The following PREX2 variants were observed in gnomAD, a reference collection of about 807,000 sequenced individuals.
PREX2 encodes phosphatidylinositol 3,4,5-trisphosphate-dependent Rac exchanger 2 protein.
In PREX2, 107 loss-of-function variants were observed where a neutral mutation model predicts 203.2. The ratio of observed to expected loss-of-function variants is 0.53; its 90% CI spans 0.45 to 0.62. The LOEUF (loss-of-function observed/expected upper bound fraction) is 0.62. Ranked by LOEUF, PREX2 falls within the 20% of genes least tolerant of loss-of-function variation. The probability of loss-of-function intolerance (pLI) is 0.00; values close to 1 mark genes in which losing one functional copy is unlikely to be tolerated. For synonymous variants in PREX2, 672 were observed against 663.6 expected (o/e 1.01, Z -0.19); for missense variants, 1,777 against 1,955.9 (o/e 0.91, Z 1.72).
At chr8:67,985,562 T>C (rs1047301767) in intron 1 of PREX2, among the ~76,000 whole-genome samples, 9 of 152,202 alleles carry the variant, frequency 5.9e-5, no homozygotes, top group African/African-American at 2.2e-4. Flanking sequence ...TACCGTGCAC[T>C]TAATTTTTCT....
At chr8:68,136,540 C>T (rs1339436979) in intron 32 of PREX2, among the ~76,000 whole-genome samples, 1 of 152,186 alleles carries the variant, frequency 6.6e-6, no homozygotes, top group Non-Finnish European at 1.5e-5. Context: ...TGCTGTAGCT[C>T]TCAAAGGCCA....
chr8:68,021,245 A>G (rs1563503856), intron 3 of PREX2, among the ~76,000 whole-genome samples: 1 of 152,200 alleles, frequency 6.6e-6, no homozygotes, highest in African/African-American at 2.4e-5. Context: ...TCTGCCCATC[A>G]CTGCCCTTGC....
chr8:68,093,850 TG>T, intron 21 of PREX2, 128 bp downstream of exon 21: 1 of 495,828 alleles, frequency 2.0e-6, no homozygotes, highest in East Asian at 3.0e-5. Flanking sequence ...ACCAAACAGA[TG>T]TCTGTCAAAT....
chr8:68,111,499 T>G (rs1254141568), intron 25 of PREX2, among the ~76,000 whole-genome samples: 1 of 152,194 alleles, frequency 6.6e-6, no homozygotes, highest in African/African-American at 2.4e-5. Context: ...TTTAAGACAC[T>G]AGTTTCAGAC....
intron 31 of PREX2, among the ~76,000 whole-genome samples, chr8:68,131,833 C>T (rs1478503401): frequency 6.6e-6 from 1 of 152,100 alleles, no homozygotes; most frequent in Non-Finnish European, 1.5e-5. Flanking sequence ...TTGCTTTTCA[C>T]TCAATATCCA....
chr8:68,192,196 A>G, intron 36 of PREX2, 139 bp from the exon 37 acceptor site: 1 of 629,710 alleles, frequency 1.6e-6, no homozygotes, highest in South Asian at 2.3e-5. Context: ...ATGAGTAATT[A>G]TAAATATTAG....
At chr8:68,079,875 T>C (rs921704194) in intron 15 of PREX2, among the ~76,000 whole-genome samples, 1 of 152,172 alleles carries the variant, frequency 6.6e-6, no homozygotes, top group Non-Finnish European at 1.5e-5. Context: ...ATATTGCTTT[T>C]AAACAGAAAA....
intron 35 of PREX2, among the ~76,000 whole-genome samples, chr8:68,185,750 T>C (rs1247618938): frequency 8.1e-6 from 1 of 123,390 alleles, no homozygotes; most frequent in Non-Finnish European, 1.8e-5. Context: ...TCATAATATA[T>C]TTATTTTACA....
At chr8:68,104,791 G>A (rs1327732187) in intron 23 of PREX2, among the ~76,000 whole-genome samples, 2 of 152,160 alleles carry the variant, frequency 1.3e-5, no homozygotes, top group African/African-American at 4.8e-5. Flanking sequence ...GATGCACAGA[G>A]AGCCTTCCAC....
At chr8:67,995,348 T>C (rs1806736556) in intron 1 of PREX2, among the ~76,000 whole-genome samples, 1 of 152,200 alleles carries the variant, frequency 6.6e-6, no homozygotes, top group African/African-American at 2.4e-5. Flanking sequence ...TGATGGGCAC[T>C]TTAACTTACT....
chr8:68,083,778 T>C (rs4545080), intron 18 of PREX2, among the ~76,000 whole-genome samples: 80,961 of 151,928 alleles, frequency 0.53, 21,562 homozygotes, highest in South Asian at 0.56. Context: ...ATTTATAATT[T>C]AACACTCATA....
In PREX2 at chr8:68,077,421, G is replaced by A; in HGVS notation, c.1594G>A (p.Ala532Thr). The A allele has an allele frequency of 6.2e-7, 1 of 1,613,872 alleles. No homozygotes were observed. Among genetic ancestry groups the A allele is most frequent in the Non-Finnish European group, 8.5e-7 (1 of 1,179,770 alleles). ...GGGAGATTGCCGCACCAGAGAAGAG[G>A]CAATGATATTTGGCGTTGGACTCTG... ...AQGDCRTREE[A>T]MIFGVGLCDN... The change falls in exon 15 of 40, where the codon GCA (alanine) becomes ACA (threonine). Residue 532 changes from alanine (A) to threonine (T), a missense_variant. By Grantham distance (58) the Ala-to-Thr change is moderately conservative. Transcript: ENST00000288368.
intron 1 of PREX2, among the ~76,000 whole-genome samples, chr8:67,988,115 T>C (rs1170348619): frequency 6.6e-6 from 1 of 152,228 alleles, no homozygotes; most frequent in Non-Finnish European, 1.5e-5. Flanking sequence ...CATAGACTTT[T>C]GGATTGCCTC....
At chr8:68,151,304 G>A (rs562388557) in intron 34 of PREX2, among the ~76,000 whole-genome samples, 81 of 151,968 alleles carry the variant, frequency 5.3e-4, no homozygotes, top group Non-Finnish European at 9.7e-4. Flanking sequence ...GTAGTCCTAC[G>A]TATTCGGGAG....
intron 1 of PREX2, among the ~76,000 whole-genome samples, chr8:67,983,153 G>T (rs1806320130): frequency 6.6e-6 from 1 of 152,118 alleles, no homozygotes; most frequent in African/African-American, 2.4e-5. Context: ...AAAATTTTAA[G>T]TTTGTGTGCT....
rs781052947 is a variant in PREX2 at position 68,118,609 on chromosome 8, G to A, written c.3386G>A (p.Cys1129Tyr). Residue 1129 changes from cysteine (C) to tyrosine (Y), a missense_variant, in exon 27 of 40, where the codon TGC becomes TAC. Coordinates refer to ENST00000288368, the MANE Select transcript of PREX2 (RefSeq NM_024870.4). Reference protein sequence around the residue: ...ASFTSICSSQCSSYFHSDEMD... With the variant: ...ASFTSICSSQYSSYFHSDEMD... Reference sequence around the variant, plus strand: ...TTCACCAGCATCTGCAGCAGCCAGTGCAGCTCGTATTTCCACAGTGATGAA... The same window carrying A: ...TTCACCAGCATCTGCAGCAGCCAGTACAGCTCGTATTTCCACAGTGATGAA... 6 of 1,614,054 alleles carry A rather than the reference G, an allele frequency of 3.7e-6. No individual in the cohort carries two copies. Among genetic ancestry groups the A allele is most frequent in the Non-Finnish European group, 5.1e-6 (6 of 1,179,920 alleles).
rs369639709 is a variant in PREX2, at chr8:68,212,858, G to GA, written c.4605-4752dup. On this transcript the variant is annotated intron_variant, in intron 37 of 39. Transcript: ENST00000288368. Reference sequence around the variant, plus strand: ...TAAATTGCTGTCAAATGCAAAAAAAGAAAAAACTTCTCTAAGTTTCTTTAG... The same window carrying GA: ...TAAATTGCTGTCAAATGCAAAAAAAGAAAAAAACTTCTCTAAGTTTCTTTAG... Among the ~76,000 whole-genome samples, 433 of 151,454 alleles carry GA rather than the reference G, an allele frequency of 2.9e-3. 1 individual carries two copies. Among genetic ancestry groups the GA allele is most frequent in the African/African-American group, 0.01 (417 of 41,382 alleles).
chr8:68,020,332 C>A (rs1211732286), intron 3 of PREX2, among the ~76,000 whole-genome samples: 5 of 94,534 alleles, frequency 5.3e-5, no homozygotes, highest in Non-Finnish European at 7.5e-5. Context: ...GGCATTCACA[C>A]CAAAAAAAAA....
intron 35 of PREX2, among the ~76,000 whole-genome samples, chr8:68,184,448 G>A (rs1027939378): frequency 6.6e-6 from 1 of 152,130 alleles, no homozygotes; most frequent in East Asian, 1.9e-4. Flanking sequence ...TTTCTGAAAT[G>A]CAGAACACTT....
Sources: gnomAD v4.1 joint callset for allele counts (sites outside exome capture counted in the v4.1 genomes callset) on GRCh38, gnomAD v4.1.1 for gene constraint, MANE v1.5 for transcripts, NCBI Gene and HGNC (gene_info 2026-07-23, HGNC 2026-07-21) for gene names.